The following SCAPER variants were observed in gnomAD, a reference collection of about 807,000 sequenced individuals.
SCAPER encodes the protein S-phase cyclin A associated protein in the ER.
SCAPER carries 98 observed loss-of-function variants against 182.2 expected under a neutral mutation model. The ratio of observed to expected loss-of-function variants is 0.54; its 90% CI spans 0.46 to 0.64. The LOEUF (loss-of-function observed/expected upper bound fraction) is 0.64, where lower values mean the gene tolerates loss of function less well. SCAPER is among the 30% of genes least tolerant of loss of function. The pLI is 0.00. For missense variants in SCAPER, 1,432 were observed against 1,690.0 expected (o/e 0.85, Z 2.68); for synonymous variants, 605 against 564.6 (o/e 1.07, Z -1.01).
intron 2 of SCAPER, among the ~76,000 whole-genome samples, chr15:76,873,357 G>C (rs1568382647): frequency 6.9e-6 from 1 of 144,320 alleles, no homozygotes; most frequent in Non-Finnish European, 1.5e-5. Context: ...CAGGCAGGCA[G>C]GCAGGCAGGC....
At chr15:76,811,331 A>G (rs1335180369) in intron 5 of SCAPER, among the ~76,000 whole-genome samples, 2 of 152,214 alleles carry the variant, frequency 1.3e-5, no homozygotes, top group East Asian at 1.9e-4. Context: ...AATCAGTAAT[A>G]GCAAGAACAA....
intron 1 of SCAPER, among the ~76,000 whole-genome samples, chr15:76,884,980 T>C (rs1015066982): frequency 1.3e-5 from 2 of 152,156 alleles, no homozygotes; most frequent in Non-Finnish European, 2.9e-5. Context: ...GTCAAATCCA[T>C]AGTGTCAGAA....
At chr15:76,368,400 G>A (rs1279056398) in intron 29 of SCAPER, among the ~76,000 whole-genome samples, 1 of 152,222 alleles carries the variant, frequency 6.6e-6, no homozygotes, top group Non-Finnish European at 1.5e-5. Context: ...AAACACCCGA[G>A]GTGAGTACAA....
At chr15:76,897,216 A>T (rs1031011552) in intron 1 of SCAPER, among the ~76,000 whole-genome samples, 15 of 152,138 alleles carry the variant, frequency 9.9e-5, no homozygotes, top group African/African-American at 3.6e-4. Context: ...ATAATGGGGA[A>T]TTTTTTTGTT....
At chr15:76,567,232 A>AT (rs1213584099) in intron 23 of SCAPER, 3 of 381,802 alleles carry the variant, frequency 7.9e-6, no homozygotes, top group Middle Eastern at 8.3e-4. Context: ...TAGTTCATTC[A>AT]TTTTTATGTT....
chr15:76,770,200 G>C (rs575767110), intron 10 of SCAPER, among the ~76,000 whole-genome samples: 33 of 130,604 alleles, frequency 2.5e-4, no homozygotes, highest in African/African-American at 9.6e-4. Flanking sequence ...ACCTGGGCTG[G>C]TCAGGGGGTG....
intron 25 of SCAPER, among the ~76,000 whole-genome samples, chr15:76,456,501 A>T (rs911732781): frequency 1.3e-5 from 2 of 152,210 alleles, no homozygotes; most frequent in Non-Finnish European, 2.9e-5. Flanking sequence ...AAACTGTCTT[A>T]TGGTCCAGCA....
chr15:76,395,023 C>T (rs1323138971), intron 27 of SCAPER, among the ~76,000 whole-genome samples: 1 of 149,480 alleles, frequency 6.7e-6, no homozygotes, highest in African/African-American at 2.4e-5. Flanking sequence ...CAGCCTGTGG[C>T]ACCCATCCTT....
intron 21 of SCAPER, among the ~76,000 whole-genome samples, chr15:76,622,701 A>T (rs914319482): frequency 1.4e-4 from 22 of 152,322 alleles, no homozygotes; most frequent in South Asian, 6.2e-4. Context: ...CTCATCTGAA[A>T]GGTGGGAAAA....
chr15:76,725,489 T>G (rs1038504990), intron 17 of SCAPER, among the ~76,000 whole-genome samples: 19 of 150,404 alleles, frequency 1.3e-4, no homozygotes, highest in Non-Finnish European at 2.8e-4. Context: ...CCCAATGACT[T>G]CTTTTTTACA....
intron 21 of SCAPER, among the ~76,000 whole-genome samples, chr15:76,642,593 T>C (rs1216857044): frequency 6.6e-6 from 1 of 152,332 alleles, no homozygotes; most frequent in Admixed American, 6.5e-5. Context: ...CTATTCACCA[T>C]GTTCTCAACC....
intron 27 of SCAPER, among the ~76,000 whole-genome samples, chr15:76,400,202 C>T (rs2044364650): frequency 6.6e-6 from 1 of 152,128 alleles, no homozygotes; most frequent in Non-Finnish European, 1.5e-5. Context: ...CAGGCTCTGC[C>T]ATCACAAGAG....
chr15:76,470,626 G>A (rs1399901584), intron 25 of SCAPER, among the ~76,000 whole-genome samples: 2 of 152,118 alleles, frequency 1.3e-5, no homozygotes, highest in East Asian at 3.9e-4. Flanking sequence ...GACTGCAGTT[G>A]ACATACTTAA....
chr15:76,367,552 T>C (rs900433136), intron 29 of SCAPER, among the ~76,000 whole-genome samples: 1 of 152,186 alleles, frequency 6.6e-6, no homozygotes, highest in Non-Finnish European at 1.5e-5. Flanking sequence ...ACTCCTGACC[T>C]GGCAGCAGCC....
At chr15:76,451,872 G>A (rs144692207) in intron 25 of SCAPER, among the ~76,000 whole-genome samples, 37 of 152,308 alleles carry the variant, frequency 2.4e-4, no homozygotes, top group African/African-American at 8.9e-4. Context: ...TAAGCTTAAA[G>A]AGGGCAGGCT....
At chr15:76,425,009 C>G (rs1419959715) in intron 26 of SCAPER, among the ~76,000 whole-genome samples, 1 of 152,186 alleles carries the variant, frequency 6.6e-6, no homozygotes, top group Admixed American at 6.5e-5. Context: ...ATGGGCTTCC[C>G]TTTGTGGGTA....
chr15:76,562,048 T>G (rs1391262335), intron 23 of SCAPER, among the ~76,000 whole-genome samples: 1 of 146,816 alleles, frequency 6.8e-6, no homozygotes, highest in African/African-American at 2.5e-5. Flanking sequence ...CTCTGGAGGC[T>G]GAGGCGGAAG....
intron 4 of SCAPER, among the ~76,000 whole-genome samples, chr15:76,844,906 C>T (rs2069900910): frequency 1.3e-5 from 2 of 151,078 alleles, no homozygotes; most frequent in Admixed American, 6.6e-5. Context: ...ACAGACACAT[C>T]AAAAAAAACA....
intron 2 of SCAPER, among the ~76,000 whole-genome samples, chr15:76,863,176 A>G (rs2151887914): frequency 6.6e-6 from 1 of 152,326 alleles, no homozygotes; most frequent in South Asian, 2.1e-4. Flanking sequence ...GCTGGGAGCC[A>G]GGTCCAGTAA....
Sources: allele counts gnomAD v4.1 joint callset (sites outside exome capture counted in the v4.1 genomes callset), GRCh38; gene constraint gnomAD v4.1.1; transcripts MANE v1.5; gene names NCBI Gene and HGNC (gene_info 2026-07-23, HGNC 2026-07-21).